Variants in BTBD9 observed in about 807,000 individuals in gnomAD.
BTBD9 encodes the protein BTB/POZ domain-containing protein 9.
Under a neutral mutation model 64.3 loss-of-function variants are expected in BTBD9, and 49 were observed. The ratio of observed to expected loss-of-function variants is 0.76; its 90% CI spans 0.61 to 0.97. The LOEUF is 0.97. Among genes scored for constraint, BTBD9 ranks in the 50% least tolerant of loss-of-function variants. The pLI, the probability that BTBD9 is intolerant of heterozygous loss-of-function variation, is 0.00. For missense variants in BTBD9, 598 were observed against 762.1 expected, an observed-to-expected ratio of 0.78 and a Z score of 2.53; for synonymous variants, 260 against 274.7, an observed-to-expected ratio of 0.95 and a Z score of 0.53.
chr6:38,199,013 A>G (rs553449156), intron 9 of BTBD9, among the ~76,000 whole-genome samples: 1 of 152,294 alleles, frequency 6.6e-6, no homozygotes, highest in East Asian at 1.9e-4. Flanking sequence ...GGGCTGAACC[A>G]GGAAGACTGG....
intron 9 of BTBD9, among the ~76,000 whole-genome samples, chr6:38,228,667 A>C (rs924125783): frequency 2.7e-5 from 4 of 150,940 alleles, no homozygotes; most frequent in African/African-American, 9.8e-5. Context: ...TGAGGTCAGG[A>C]GATCGAGACC....
intron 9 of BTBD9, among the ~76,000 whole-genome samples, chr6:38,211,877 C>G (rs1368349649): frequency 2.0e-5 from 3 of 152,198 alleles, no homozygotes; most frequent in African/African-American, 7.2e-5. Flanking sequence ...AATAAACACT[C>G]AGACCAGATT....
chr6:38,358,459 C>T (rs1303761234), intron 6 of BTBD9, among the ~76,000 whole-genome samples: 2 of 152,158 alleles, frequency 1.3e-5, no homozygotes, highest in Non-Finnish European at 2.9e-5. Flanking sequence ...GGAGAAAGTA[C>T]ATACTGTACA....
chr6:38,502,523 G>A (rs1218901105), intron 6 of BTBD9, among the ~76,000 whole-genome samples: 1 of 152,164 alleles, frequency 6.6e-6, no homozygotes, highest in Non-Finnish European at 1.5e-5. Flanking sequence ...TAAGGGAAGA[G>A]GACTCTGAGA....
intron 7 of BTBD9, among the ~76,000 whole-genome samples, chr6:38,303,599 G>A (rs1229628811): frequency 6.6e-6 from 1 of 151,580 alleles, no homozygotes; most frequent in Non-Finnish European, 1.5e-5. Flanking sequence ...TTCCACCTAC[G>A]CTATGCCTTA....
intron 6 of BTBD9, among the ~76,000 whole-genome samples, chr6:38,475,220 G>A (rs533259129): frequency 1.4e-4 from 22 of 152,294 alleles, no homozygotes; most frequent in African/African-American, 5.1e-4. Flanking sequence ...GTGGTCTACG[G>A]ACTATAAGAT....
intron 9 of BTBD9, among the ~76,000 whole-genome samples, chr6:38,203,279 T>C (rs1424690495): frequency 6.6e-6 from 1 of 152,102 alleles, no homozygotes; most frequent in Non-Finnish European, 1.5e-5. Flanking sequence ...CTCAATAAAC[T>C]ACTACTATTT....
chr6:38,495,323 G>A (rs570668926), intron 6 of BTBD9, among the ~76,000 whole-genome samples: 27 of 152,236 alleles, frequency 1.8e-4, no homozygotes, highest in African/African-American at 5.5e-4. Context: ...AAACTCACAC[G>A]GGAGATCTTC....
chr6:38,564,961 G>C (rs1775424674), intron 6 of BTBD9, among the ~76,000 whole-genome samples: 1 of 152,036 alleles, frequency 6.6e-6, no homozygotes, highest in Non-Finnish European at 1.5e-5. Flanking sequence ...AATAGCAAAT[G>C]TCACCATTTT....
At chr6:38,432,140 T>G (rs946624608) in intron 6 of BTBD9, among the ~76,000 whole-genome samples, 1 of 152,058 alleles carries the variant, frequency 6.6e-6, no homozygotes, top group Admixed American at 6.5e-5. Context: ...TTGTCTCTTT[T>G]GCACAAGCTT....
At chr6:38,224,387 C>T (rs536598645) in intron 9 of BTBD9, among the ~76,000 whole-genome samples, 4 of 152,152 alleles carry the variant, frequency 2.6e-5, no homozygotes, top group Non-Finnish European at 4.4e-5. Context: ...TGGCCATGAG[C>T]GTATTTCTGG....
chr6:38,469,318 T>A lies in BTBD9; in HGVS notation c.1154+108282A>T, dbSNP rs574242437. ...AAGGAACCCACTCTCTCTTTTTTTT[T>A]TTCCTTTTTTTTTTTTTTTTGAGAC... On this transcript the variant is annotated intron_variant, in intron 6 of 10. Transcript: ENST00000481247. Among the ~76,000 whole-genome samples, 307 of 142,370 alleles carry A rather than the reference T, an allele frequency of 2.2e-3. 4 individuals carry two copies. Among genetic ancestry groups the A allele is most frequent in the Middle Eastern group, 8.4e-3 (2 of 238 alleles). The allele number at this position is 142,370 out of a possible 152,430, so 93.4% of individuals were successfully genotyped here. A position where few individuals can be genotyped will look rare whatever the true frequency, so the allele number is the denominator to read the frequency against.
intron 6 of BTBD9, among the ~76,000 whole-genome samples, chr6:38,510,478 T>C (rs2127409793): frequency 6.6e-6 from 1 of 152,238 alleles, no homozygotes; most frequent in East Asian, 1.9e-4. Context: ...GCTGACTTTA[T>C]AAATACTGTG....
chr6:38,337,079 C>T (rs6938840), intron 7 of BTBD9, among the ~76,000 whole-genome samples: 43,819 of 152,126 alleles, frequency 0.29, 7,658 homozygotes, highest in African/African-American at 0.48. Context: ...ACTAGTGCCA[C>T]TGTAGGAAAC....
In BTBD9 at chr6:38,507,257, G is replaced by A. The variant is rs904613782; in HGVS notation, c.1154+70343C>T. Among the ~76,000 whole-genome samples the A allele has an allele frequency of 2.0e-5, 3 of 152,174 alleles. No individual in the cohort carries two copies. The South Asian group carries it at 6.2e-4, about 32-fold the overall frequency. On this transcript the variant is annotated intron_variant, in intron 6 of 10. Transcript: ENST00000481247. ...TGGGTAGCTACTTCACTAGAATTAA[G>A]ATCCATGTGGACTGGGATCTATTCT... is the stretch of plus-strand genomic sequence containing the variant.
At chr6:38,220,746 G>A (rs906497779) in intron 9 of BTBD9, among the ~76,000 whole-genome samples, 12 of 152,190 alleles carry the variant, frequency 7.9e-5, no homozygotes, top group East Asian at 1.9e-4. Context: ...AAATGCAGCC[G>A]AAAGAATAGC....
chr6:38,550,398 C>T (rs1774745663), intron 6 of BTBD9, among the ~76,000 whole-genome samples: 2 of 150,438 alleles, frequency 1.3e-5, no homozygotes, highest in African/African-American at 2.5e-5. Flanking sequence ...CTCACTGCAA[C>T]CTATGCCTCC....
chr6:38,337,557 T>C lies in BTBD9; in HGVS notation c.1264+7427A>G, dbSNP rs149829235. On this transcript the variant is annotated intron_variant, in intron 7 of 10. Transcript: ENST00000481247. Reference sequence around the variant, plus strand: ...AAGCCTTATCTTACTAGGCAAGAGATACGTTCAGTTCCTTTGCAGCCCAAA... The same window carrying C: ...AAGCCTTATCTTACTAGGCAAGAGACACGTTCAGTTCCTTTGCAGCCCAAA... Among the ~76,000 whole-genome samples, 287 of 152,374 alleles carry C rather than the reference T, an allele frequency of 1.9e-3. 1 individual carries two copies. Among genetic ancestry groups the C allele is most frequent in the African/African-American group, 6.7e-3 (277 of 41,586 alleles).
chr6:38,225,600 C>T (rs562540107), intron 9 of BTBD9, among the ~76,000 whole-genome samples: 1 of 152,274 alleles, frequency 6.6e-6, no homozygotes, highest in Non-Finnish European at 1.5e-5. Flanking sequence ...TTTTAAGGAA[C>T]TTAATGCCTA....
Sources: allele counts gnomAD v4.1 joint callset (sites outside exome capture counted in the v4.1 genomes callset), GRCh38; gene constraint gnomAD v4.1.1; transcripts MANE v1.5; gene names NCBI Gene and HGNC (gene_info 2026-07-23, HGNC 2026-07-21).